SDK1: variants seen among roughly 807,000 people sequenced by gnomAD.
SDK1 encodes sidekick cell adhesion molecule 1, also known as protein sidekick-1.
A neutral mutation model predicts 245.5 loss-of-function variants in SDK1; 157 were observed. The observed-to-expected ratio is 0.64, with a 90% confidence interval of 0.56 to 0.73. The LOEUF (loss-of-function observed/expected upper bound fraction) is 0.73. SDK1 is among the 30% of genes least tolerant of loss of function. The pLI is 0.00. For synonymous variants in SDK1, 1,647 were observed against 1,278.5 expected, an observed-to-expected ratio of 1.29 and a Z score of -6.15; for missense variants, 3,583 against 3,002.3, an observed-to-expected ratio of 1.19 and a Z score of -4.52.
intron 1 of SDK1, among the ~76,000 whole-genome samples, chr7:3,449,720 G>A (rs1009416470): frequency 2.6e-5 from 4 of 152,136 alleles, no homozygotes; most frequent in Admixed American, 2.6e-4. Flanking sequence ...GACACTGAGC[G>A]GCAGAGACCT....
chr7:3,682,858 C>T (rs1444127424), intron 4 of SDK1, among the ~76,000 whole-genome samples: 1 of 152,032 alleles, frequency 6.6e-6, no homozygotes, highest in Non-Finnish European at 1.5e-5. Context: ...CCTGCCTCAG[C>T]CTCCTGAGTA....
chr7:4,007,165 T>A (rs555796266), intron 14 of SDK1, among the ~76,000 whole-genome samples: 1 of 152,354 alleles, frequency 6.6e-6, no homozygotes, highest in Non-Finnish European at 1.5e-5. Context: ...AAGATGGCGT[T>A]CCTGAATGAG....
chr7:3,334,413 T>C (rs1327577771), intron 1 of SDK1, among the ~76,000 whole-genome samples: 3 of 152,150 alleles, frequency 2.0e-5, no homozygotes, highest in Non-Finnish European at 2.9e-5. Flanking sequence ...ATTGTCCTCC[T>C]GTTCTTCCCT....
intron 2 of SDK1, among the ~76,000 whole-genome samples, chr7:3,622,178 A>T (rs907145148): frequency 6.6e-6 from 1 of 152,112 alleles, no homozygotes; most frequent in African/African-American, 2.4e-5. Flanking sequence ...CAGCATTTCA[A>T]TTTAAAACAA....
intron 1 of SDK1, among the ~76,000 whole-genome samples, chr7:3,529,797 G>C (rs1359489205): frequency 6.6e-6 from 1 of 152,120 alleles, no homozygotes; most frequent in Non-Finnish European, 1.5e-5. Flanking sequence ...GTCGAGGGGT[G>C]GGCTATGCTC....
intron 4 of SDK1, among the ~76,000 whole-genome samples, chr7:3,798,027 C>T (rs1311144393): frequency 1.3e-5 from 2 of 152,012 alleles, no homozygotes; most frequent in East Asian, 3.9e-4. Flanking sequence ...GACCCTAGTC[C>T]ATTCATCAAA....
chr7:3,766,091 G>C (rs139232493), intron 4 of SDK1, among the ~76,000 whole-genome samples: 1 of 152,058 alleles, frequency 6.6e-6, no homozygotes, highest in African/African-American at 2.4e-5. Context: ...ATTTCTGGCC[G>C]GTTGACCAAA....
chr7:4,209,043 C>T (rs1487463431), intron 37 of SDK1, among the ~76,000 whole-genome samples: 3 of 152,196 alleles, frequency 2.0e-5, no homozygotes, highest in Admixed American at 1.3e-4. Context: ...TCCGACATTC[C>T]ATGGGTTCAG....
At chr7:3,476,789 C>G (rs889583775) in intron 1 of SDK1, among the ~76,000 whole-genome samples, 14 of 152,178 alleles carry the variant, frequency 9.2e-5, no homozygotes, top group African/African-American at 3.1e-4. Context: ...TGACCCTAGT[C>G]ATACACCCAG....
intron 1 of SDK1, among the ~76,000 whole-genome samples, chr7:3,564,283 G>A (rs1161641254): frequency 1.3e-5 from 2 of 152,024 alleles, no homozygotes; most frequent in Non-Finnish European, 2.9e-5. Context: ...TTGATTCTTT[G>A]AAAGATAAGA....
intron 5 of SDK1, among the ~76,000 whole-genome samples, chr7:3,944,152 G>A (rs1025076767): frequency 6.6e-6 from 1 of 152,238 alleles, no homozygotes; most frequent in South Asian, 2.1e-4. Flanking sequence ...TTATGTAAAA[G>A]AAAGATTATC....
intron 1 of SDK1, among the ~76,000 whole-genome samples, chr7:3,371,889 T>G (rs1426828176): frequency 6.6e-6 from 1 of 152,184 alleles, no homozygotes; most frequent in Admixed American, 6.5e-5. Flanking sequence ...GGTTTCTACT[T>G]AGATCTATCC....
At chr7:3,552,659 C>G (rs181221770) in intron 1 of SDK1, among the ~76,000 whole-genome samples, 1 of 152,156 alleles carries the variant, frequency 6.6e-6, no homozygotes, top group African/African-American at 2.4e-5. Flanking sequence ...TAAGATCTTA[C>G]CTTATTCATG....
chr7:4,202,664 T>C (rs1783959292), intron 35 of SDK1, among the ~76,000 whole-genome samples: 1 of 152,238 alleles, frequency 6.6e-6, no homozygotes, highest in East Asian at 1.9e-4. Context: ...ATGAGCATCA[T>C]TCTCCCTGCA....
At chr7:3,452,136 C>A (rs1360408923) in intron 1 of SDK1, among the ~76,000 whole-genome samples, 2 of 152,150 alleles carry the variant, frequency 1.3e-5, no homozygotes, top group Non-Finnish European at 2.9e-5. Context: ...AAGTTATGAG[C>A]ATTTTTGTTT....
chr7:3,459,108 T>G (rs1214438903), intron 1 of SDK1, among the ~76,000 whole-genome samples: 1 of 152,202 alleles, frequency 6.6e-6, no homozygotes, highest in Non-Finnish European at 1.5e-5. Context: ...ATTGACATCA[T>G]TATAGTATTG....
At chr7:3,680,710 A>T (rs1309035864) in intron 4 of SDK1, among the ~76,000 whole-genome samples, 1 of 152,208 alleles carries the variant, frequency 6.6e-6, no homozygotes, top group African/African-American at 2.4e-5. Context: ...TATGAATGTC[A>T]AGAAATGGAA....
chr7:4,193,868 T>G (rs1012240665), intron 35 of SDK1, among the ~76,000 whole-genome samples: 3 of 152,176 alleles, frequency 2.0e-5, no homozygotes, highest in Non-Finnish European at 4.4e-5. Context: ...CTTCATTATG[T>G]TTCTTGGTTC....
intron 1 of SDK1, among the ~76,000 whole-genome samples, chr7:3,457,297 A>T (rs1218573036): frequency 6.6e-6 from 1 of 152,128 alleles, no homozygotes; most frequent in East Asian, 1.9e-4. Context: ...TTGTCCCTTC[A>T]GTCTTGGCCT....
Sources: gnomAD v4.1 joint callset for allele counts (sites outside exome capture counted in the v4.1 genomes callset) on GRCh38, gnomAD v4.1.1 for gene constraint, MANE v1.5 for transcripts, NCBI Gene and HGNC (gene_info 2026-07-23, HGNC 2026-07-21) for gene names.